ZNF500: variants seen among roughly 807,000 people sequenced by gnomAD.
ZNF500 encodes the protein zinc finger protein with KRAB and SCAN domains 18.
ZNF500 carries 31 observed loss-of-function variants against 30.1 expected under a neutral mutation model. That is an observed-to-expected ratio of 1.03 (90% CI 0.77 to 1.39). The LOEUF (loss-of-function observed/expected upper bound fraction) is 1.39. Ranked by LOEUF, ZNF500 falls within the 40% of genes most tolerant of loss-of-function variation. The pLI, the probability that ZNF500 is intolerant of heterozygous loss-of-function variation, is 0.00. For synonymous variants in ZNF500, 392 were observed against 282.0 expected, an observed-to-expected ratio of 1.39 and a Z score of -3.91; for missense variants, 817 against 657.8, an observed-to-expected ratio of 1.24 and a Z score of -2.65.
chr16:4,751,414 A>G lies in ZNF500; in HGVS notation c.*962T>C. 1.5e-6 allele frequency: 1 copy of G among 660,220 alleles called. No homozygotes were observed. Among genetic ancestry groups the G allele is most frequent in the Admixed American group, 3.1e-5 (1 of 32,218 alleles). The allele number at this position is 660,220 out of a possible 1,614,324, so 40.9% of individuals were successfully genotyped here. On this transcript the variant is annotated 3_prime_UTR_variant, in exon 6 of 6. Coordinates refer to ENST00000219478, the MANE Select transcript of ZNF500 (RefSeq NM_021646.4). ...GGAGATGTCAGGCCCGTCACATCCC[A>G]GGCAACATGTCAGGAAGATGGAACT...
intron 5 of ZNF500, 37 bp from the exon 6 acceptor site, chr16:4,753,095 G>C: frequency 6.7e-7 from 1 of 1,499,580 alleles, no homozygotes; most frequent in Non-Finnish European, 8.8e-7. Context: ...GGAACTCACA[G>C]CAAGAGGGCA....
intron 5 of ZNF500, among the ~76,000 whole-genome samples, chr16:4,753,398 G>A (rs1476725689): frequency 6.6e-6 from 1 of 152,198 alleles, no homozygotes; most frequent in Non-Finnish European, 1.5e-5. Flanking sequence ...GGAGGTCAAG[G>A]CTGCAGTGAG....
chr16:4,756,025 G>A (rs1285351259), intron 5 of ZNF500, among the ~76,000 whole-genome samples: 1 of 152,156 alleles, frequency 6.6e-6, no homozygotes, highest in Non-Finnish European at 1.5e-5. Flanking sequence ...GAGCAGACAG[G>A]TGGCTGCCAG....
intron 5 of ZNF500, among the ~76,000 whole-genome samples, chr16:4,755,773 C>G (rs1028784402): frequency 6.6e-6 from 1 of 152,198 alleles, no homozygotes; most frequent in African/African-American, 2.4e-5. Context: ...CACGACAGCA[C>G]TCTTCACAGT....
Position 4,765,628 on chromosome 16 carries a change from G to A in ZNF500, c.351C>T (p.Ser117=), listed in dbSNP as rs762399661. The A allele has an allele frequency of 2.5e-5, 41 of 1,613,258 alleles. No individual in the cohort carries two copies. The highest frequency in any genetic ancestry group is 3.3e-4 in the Middle Eastern group (2 of 6,080). The change falls in exon 2 of 6, where the codon AGC becomes AGT. Residue 117 remains serine (S), a synonymous_variant. Transcript: ENST00000219478. ...CCACAAGGACCACGGCCTCCTCACC[G>A]CTCTCCGGCTGCTGCTCGCGTACCC... ...QARVREQQPE[S]GEEAVVLVEG...
intron 4 of ZNF500, among the ~76,000 whole-genome samples, chr16:4,761,947 G>A (rs904616330): frequency 1.3e-5 from 2 of 152,208 alleles, no homozygotes; most frequent in East Asian, 3.8e-4. Flanking sequence ...AGCGGTGTGG[G>A]AGGAAGCTGT....
At chr16:4,745,045 C>T (rs372959354), downstream of ZNF500, 182 of 1,601,314 alleles carry the variant, frequency 1.1e-4, no homozygotes, top group Non-Finnish European at 1.5e-4. Context: ...CTCCTGTGGT[C>T]CTTTAGAATG....
At position 4,765,756 on chromosome 16, in the gene ZNF500, A is replaced by ACAG; in HGVS notation, c.220_222dup (p.Leu74dup). ...AGCTCCGGCCGCAGCCAGCGGCAGC[A>ACAG]CAGCTCCCAGAGGCGGCTCAGGGCC... is the stretch of plus-strand genomic sequence containing the variant. On this transcript the variant is annotated inframe_insertion, in exon 2 of 6. Coordinates refer to ENST00000219478, the MANE Select transcript of ZNF500 (RefSeq NM_021646.4). The ACAG allele has an allele frequency of 6.2e-7, 1 of 1,613,020 alleles. No homozygotes were observed. Among genetic ancestry groups the ACAG allele is most frequent in the Non-Finnish European group, 8.5e-7 (1 of 1,179,880 alleles).
chr16:4,753,077 G>T lies in ZNF500; in HGVS notation c.761-19C>A, dbSNP rs376482915. ...CCAGGTCCTGAGACAGAGAAAGCAC[G>T]ATCTCTAGGAACTCACAGCAAGAGG... On this transcript the variant is annotated intron_variant, in intron 5 of 5. Coordinates refer to ENST00000219478, the MANE Select transcript of ZNF500 (RefSeq NM_021646.4). 48 of 1,504,016 alleles carry T rather than the reference G, an allele frequency of 3.2e-5. No individual in the cohort carries two copies. The highest frequency in any genetic ancestry group is 4.0e-5 in the Non-Finnish European group (45 of 1,133,692). The allele number at this position is 1,504,016 out of a possible 1,614,324, so 93.2% of individuals were successfully genotyped here.
At chr16:4,753,304 T>C (rs987795012) in intron 5 of ZNF500, 2 of 617,878 alleles carry the variant, frequency 3.2e-6, no homozygotes, top group Admixed American at 3.8e-5. Context: ...CTACAGAAAA[T>C]AAACAAAACT....
At chr16:4,764,159 A>G (rs926759435) in intron 2 of ZNF500, 4 of 897,396 alleles carry the variant, frequency 4.5e-6, no homozygotes, top group African/African-American at 3.6e-5. Context: ...GCCATCCAGT[A>G]CAGTAGCCAC....
At chr16:4,753,223 G>T (rs1387230124) in intron 5 of ZNF500, 165 bp from the exon 6 acceptor site, 6 of 1,322,432 alleles carry the variant, frequency 4.5e-6, no homozygotes, top group African/African-American at 3.0e-5. Flanking sequence ...CACTTTGGAA[G>T]GCTGAAGTGG....
intron 4 of ZNF500, among the ~76,000 whole-genome samples, chr16:4,761,887 AAACCC>A (rs2082205502): frequency 6.6e-6 from 1 of 151,366 alleles, no homozygotes; most frequent in African/African-American, 2.4e-5. Flanking sequence ...AAACAAACAA[AAACCC>A]CAAAAAAACC....
chr16:4,747,653 T>A (rs768279112), downstream of ZNF500: 1 of 1,581,570 alleles, frequency 6.3e-7, no homozygotes, highest in Admixed American at 1.7e-5. Context: ...ATCCCAGGAG[T>A]GGGCAGGGGC....
At chr16:4,747,547 C>T (rs2142215914), downstream of ZNF500, 2 of 1,612,608 alleles carry the variant, frequency 1.2e-6, no homozygotes, top group South Asian at 2.2e-5. Context: ...TCCCAAGAGG[C>T]AGGCCCAGAG....
Position 4,765,974 on chromosome 16 carries a change from G to A in ZNF500, c.5C>T (p.Ala2Val). M[A>V]TVPGLQPLPT... is the part of the protein sequence containing the mutation. Reference sequence around the variant, plus strand: ...CAGGGGCTGGAGGCCAGGGACAGTGGCCATTGCTTCCGGTGGGCCTTGTTC... The same window carrying A: ...CAGGGGCTGGAGGCCAGGGACAGTGACCATTGCTTCCGGTGGGCCTTGTTC... Residue 2 changes from alanine to valine, a missense_variant, in exon 2 of 6, where the codon GCC becomes GTC. Transcript: ENST00000219478. The A allele has an allele frequency of 1.3e-6, 2 of 1,555,880 alleles. No individual in the cohort carries two copies. The highest frequency in any genetic ancestry group is 1.7e-4 in the Middle Eastern group (1 of 5,790).
At chr16:4,744,545 A>G (rs1389703341), downstream of ZNF500, among the ~76,000 whole-genome samples, 3 of 152,098 alleles carry the variant, frequency 2.0e-5, no homozygotes, top group African/African-American at 7.2e-5. Flanking sequence ...TTTTTAAGTC[A>G]ACACACAGAA....
Position 4,752,231 on chromosome 16 carries a change from A to G in ZNF500, c.*145T>C. 7.0e-7 allele frequency: 1 copy of G among 1,421,860 alleles called. No individual in the cohort carries two copies. The highest frequency in any genetic ancestry group is 9.1e-7 in the Non-Finnish European group (1 of 1,093,926). The allele number at this position is 1,421,860 out of a possible 1,614,324, so 88.1% of individuals were successfully genotyped here. A position where few individuals can be genotyped will look rare whatever the true frequency, so the allele number is the denominator to read the frequency against. ...GCCCAGCTTCCTCTGCGGCCTGGGC[A>G]TCCCAAATGTCCCCTGCTGGCCTCA... On this transcript the variant is annotated 3_prime_UTR_variant, in exon 6 of 6. Transcript: ENST00000219478.
At chr16:4,753,749 G>C (rs1395660561) in intron 5 of ZNF500, among the ~76,000 whole-genome samples, 2 of 152,218 alleles carry the variant, frequency 1.3e-5, no homozygotes, top group Non-Finnish European at 2.9e-5. Flanking sequence ...TAGTGGGCAG[G>C]GGCCAGGGCT....
Sources: gnomAD v4.1 joint callset for allele counts (sites outside exome capture counted in the v4.1 genomes callset) on GRCh38, gnomAD v4.1.1 for gene constraint, MANE v1.5 for transcripts, NCBI Gene and HGNC (gene_info 2026-07-23, HGNC 2026-07-21) for gene names.